The following PTPRD variants were observed in gnomAD, a reference collection of about 807,000 sequenced individuals.
PTPRD encodes receptor-type tyrosine-protein phosphatase delta.
PTPRD carries 34 observed loss-of-function variants against 214.5 expected under a neutral mutation model. The ratio of observed to expected loss-of-function variants is 0.16; its 90% confidence interval spans 0.12 to 0.21. The LOEUF (loss-of-function observed/expected upper bound fraction) is 0.21, where lower values mean the gene tolerates loss of function less well. Among genes scored for constraint, PTPRD ranks in the 10% least tolerant of loss-of-function variants. The probability of loss-of-function intolerance (pLI) is 1.00; values close to 1 mark genes in which losing one functional copy is unlikely to be tolerated. For synonymous variants in PTPRD, 1,128 were observed against 845.7 expected (o/e 1.33, Z -5.79); for missense variants, 2,545 against 2,398.7 (o/e 1.06, Z -1.27).
intron 2 of PTPRD, among the ~76,000 whole-genome samples, chr9:10,462,961 A>T (rs1184697266): frequency 6.7e-6 from 1 of 150,122 alleles, no homozygotes; most frequent in Non-Finnish European, 1.5e-5. Context: ...ATATATACAC[A>T]CACATATATA....
intron 7 of PTPRD, among the ~76,000 whole-genome samples, chr9:9,637,681 G>T (rs1345710645): frequency 1.3e-5 from 2 of 152,162 alleles, no homozygotes; most frequent in Non-Finnish European, 2.9e-5. Context: ...ACTGCATGCT[G>T]GTGGCTCTAT....
chr9:9,019,455 A>G (rs959373355), intron 10 of PTPRD, among the ~76,000 whole-genome samples: 1 of 152,206 alleles, frequency 6.6e-6, no homozygotes, highest in African/African-American at 2.4e-5. Context: ...CTGTTATCCC[A>G]GGACTTGGGG....
At chr9:8,327,344 TG>T (rs200168611) in intron 44 of PTPRD, among the ~76,000 whole-genome samples, 17,458 of 129,550 alleles carry the variant, frequency 0.13, 962 homozygotes, top group African/African-American at 0.27. Context: ...TGGTTTTGAG[TG>T]GTTTTTTTTT....
At chr9:8,470,510 T>C (rs1422980210) in intron 31 of PTPRD, among the ~76,000 whole-genome samples, 1 of 152,144 alleles carries the variant, frequency 6.6e-6, no homozygotes, top group Non-Finnish European at 1.5e-5. Flanking sequence ...CTACAGAATA[T>C]AGAACAAGGC....
intron 4 of PTPRD, among the ~76,000 whole-genome samples, chr9:9,994,177 T>C (rs150436997): frequency 3.9e-4 from 59 of 152,280 alleles, no homozygotes; most frequent in African/African-American, 1.4e-3. Context: ...ACGGACCTAA[T>C]CTGTTGCTCT....
intron 5 of PTPRD, among the ~76,000 whole-genome samples, chr9:9,852,885 A>T (rs1295375222): frequency 1.3e-5 from 2 of 152,170 alleles, no homozygotes; most frequent in Non-Finnish European, 2.9e-5. Context: ...ACAATAGCAG[A>T]TCAAGTAGGG....
intron 12 of PTPRD, among the ~76,000 whole-genome samples, chr9:8,642,314 C>G (rs189484195): frequency 3.3e-5 from 5 of 152,112 alleles, no homozygotes; most frequent in Admixed American, 3.3e-4. Context: ...CAGCATGTAA[C>G]GAATTGGCTT....
chr9:8,945,025 A>G (rs1008960828), intron 11 of PTPRD, among the ~76,000 whole-genome samples: 2 of 152,120 alleles, frequency 1.3e-5, no homozygotes, highest in African/African-American at 4.8e-5. Flanking sequence ...CCATAAACAT[A>G]TGTACTTACT....
intron 3 of PTPRD, among the ~76,000 whole-genome samples, chr9:10,263,198 C>A (rs773621317): frequency 1.1e-4 from 16 of 152,062 alleles, no homozygotes; most frequent in Non-Finnish European, 2.2e-4. Context: ...TAAATTGGTA[C>A]CAGTAGAATA....
intron 3 of PTPRD, among the ~76,000 whole-genome samples, chr9:10,131,823 C>T (rs2098889761): frequency 6.6e-6 from 1 of 152,080 alleles, no homozygotes; most frequent in Admixed American, 6.6e-5. Flanking sequence ...TGATCATTGA[C>T]CTTACAATTC....
At position 9,004,233 on chromosome 9, in the gene PTPRD, T is replaced by C. The variant is rs112808488; in HGVS notation, c.-104+14464A>G. On this transcript the variant is annotated intron_variant, in intron 11 of 45. Coordinates refer to ENST00000381196, the MANE Select transcript of PTPRD (RefSeq NM_002839.4). ...TCTGTAATTTAGGAAGCATCCACAT[T>C]ATTTCAACTCATTTTAAATTTTAAG... 9.8e-4 allele frequency among the ~76,000 whole-genome samples: 149 copies of C among 152,200 alleles called. 1 individual carries two copies. Among genetic ancestry groups the C allele is most frequent in the Non-Finnish European group, 1.6e-3 (111 of 67,980 alleles).
rs185016746 is a variant in PTPRD at position 9,097,908 on chromosome 9, T to G, written c.-142-79173A>C. ...TGTGTACTATCCAATACAATAAAGA[T>G]GTTTCCCTTTGGCTCGTCTGGCAGG... is the stretch of plus-strand genomic sequence containing the variant. On this transcript the variant is annotated intron_variant, in intron 10 of 45. Coordinates refer to ENST00000381196, the MANE Select transcript of PTPRD (RefSeq NM_002839.4). Among the ~76,000 whole-genome samples the G allele has an allele frequency of 1.5e-3, 234 of 152,250 alleles. 2 individuals are homozygous for G. The highest frequency in any genetic ancestry group is 5.4e-3 in the African/African-American group (225 of 41,552).
At chr9:10,281,878 T>A (rs575392578) in intron 3 of PTPRD, among the ~76,000 whole-genome samples, 12 of 152,160 alleles carry the variant, frequency 7.9e-5, no homozygotes, top group Non-Finnish European at 1.5e-4. Context: ...CTATTGCATT[T>A]ATCATGTAAT....
chr9:9,352,447 C>T (rs1475632916), intron 9 of PTPRD, among the ~76,000 whole-genome samples: 1 of 150,750 alleles, frequency 6.6e-6, no homozygotes, highest in East Asian at 2.0e-4. Flanking sequence ...ATATCTAAGG[C>T]AAATTTATTT....
At chr9:9,910,045 C>T (rs2078752733) in intron 5 of PTPRD, among the ~76,000 whole-genome samples, 1 of 151,902 alleles carries the variant, frequency 6.6e-6, no homozygotes, top group Non-Finnish European at 1.5e-5. Context: ...GCCATAACCT[C>T]AGGTTCAAAT....
At chr9:8,329,278 C>T (rs1458074731) in intron 44 of PTPRD, among the ~76,000 whole-genome samples, 1 of 152,130 alleles carries the variant, frequency 6.6e-6, no homozygotes, top group Non-Finnish European at 1.5e-5. Flanking sequence ...AACACCCAGG[C>T]CTCTCTGCTG....
chr9:9,555,746 A>G (rs1040076474), intron 8 of PTPRD, among the ~76,000 whole-genome samples: 1 of 152,282 alleles, frequency 6.6e-6, no homozygotes, highest in East Asian at 1.9e-4. Context: ...TACAAAAAAC[A>G]TTAGCTATAA....
intron 8 of PTPRD, among the ~76,000 whole-genome samples, chr9:9,421,607 C>G (rs1352822929): frequency 6.6e-6 from 1 of 152,050 alleles, no homozygotes; most frequent in East Asian, 1.9e-4. Context: ...TAGCAATACA[C>G]CACTTGGGAT....
intron 7 of PTPRD, among the ~76,000 whole-genome samples, chr9:9,608,716 T>G (rs1449477548): frequency 2.0e-5 from 3 of 152,226 alleles, no homozygotes; most frequent in Non-Finnish European, 2.9e-5. Flanking sequence ...AGTCCTCAAG[T>G]GACAGCTGTG....
Sources: gnomAD v4.1 joint callset for allele counts (sites outside exome capture counted in the v4.1 genomes callset) on GRCh38, gnomAD v4.1.1 for gene constraint, MANE v1.5 for transcripts, NCBI Gene and HGNC (gene_info 2026-07-23, HGNC 2026-07-21) for gene names.